The following DCAF8L2 variants were observed in gnomAD, a reference collection of about 807,000 sequenced individuals.
The protein encoded by DCAF8L2 is DDB1 and CUL4 associated factor 8 like 2.
For synonymous variants in DCAF8L2, 200 were observed against 190.9 expected (o/e 1.05, Z -0.39); for missense variants, 430 against 490.7 (o/e 0.88, Z 1.17).
At chrX:27,480,030 C>T in the DCAF8L2 span, among the ~76,000 whole-genome samples, 1 of 112,473 alleles carries the variant, frequency 8.9e-6, no homozygotes, top group African/African-American at 3.2e-5. Context: ...AAACAAAGCT[C>T]ATGGTCTCCA....
the DCAF8L2 span, among the ~76,000 whole-genome samples, chrX:27,469,197 A>G: frequency 8.9e-6 from 1 of 112,175 alleles, no homozygotes; most frequent in Non-Finnish European, 1.9e-5. Context: ...TTTCAGTGCC[A>G]TGTTCTCTCT....
Position 27,678,709 on chromosome X carries a change from T to C in DCAF8L2, c.-143+797T>C, listed in dbSNP as rs193245936. Reference sequence around the variant, plus strand: ...CTGGAAGGGCGTTACTTCATGGGTATGGAGTTTCAGTTCTGGAAGATTTTT... The same window carrying C: ...CTGGAAGGGCGTTACTTCATGGGTACGGAGTTTCAGTTCTGGAAGATTTTT... On this transcript the variant is annotated intron_variant, in intron 3 of 4. Transcript: ENST00000451261. Among the ~76,000 whole-genome samples, 28 of 111,897 alleles carry C rather than the reference T, an allele frequency of 2.5e-4. 1 individual carries two copies. In the East Asian group the frequency reaches 7.6e-3, roughly 30 times the overall value.
At chrX:27,603,571 G>A (rs545093180) in intron 1 of DCAF8L2, among the ~76,000 whole-genome samples, 2 of 111,936 alleles carry the variant, frequency 1.8e-5, no homozygotes, top group South Asian at 7.4e-4. Context: ...ACTTAGTGGA[G>A]ATTTAGCTAA....
At chrX:27,654,139 C>T (rs1482284751) in intron 2 of DCAF8L2, among the ~76,000 whole-genome samples, 2 of 111,122 alleles carry the variant, frequency 1.8e-5, no homozygotes, top group Non-Finnish European at 3.8e-5. Flanking sequence ...CAGAGCTGCT[C>T]CTCTCTGGCA....
chrX:27,638,954 T>C (rs1282136574), intron 2 of DCAF8L2, among the ~76,000 whole-genome samples: 1 of 111,722 alleles, frequency 9.0e-6, no homozygotes, highest in African/African-American at 3.3e-5. Context: ...AGTAGCACTA[T>C]AGGAGAACCA....
the DCAF8L2 span, among the ~76,000 whole-genome samples, chrX:27,542,779 G>T: frequency 2.8e-5 from 3 of 108,956 alleles, no homozygotes; most frequent in African/African-American, 1.0e-4. Flanking sequence ...CCTGACCTCG[G>T]GATCCGCCCG....
chrX:27,709,304 T>G (rs1931447290), intron 3 of DCAF8L2, among the ~76,000 whole-genome samples: 1 of 112,861 alleles, frequency 8.9e-6, no homozygotes, highest in African/African-American at 3.2e-5. Flanking sequence ...AAGACTTTCA[T>G]TTGTGTTTGT....
chrX:27,502,338 ATATATATATATATATATATATATAT>A, the DCAF8L2 span, among the ~76,000 whole-genome samples: 2 of 27,560 alleles, frequency 7.3e-5, no homozygotes, highest in Non-Finnish European at 1.2e-4. Context: ...AAAAAAAAAT[ATATATATATATATATATATATATAT>A]ATATATATAT....
intron 2 of DCAF8L2, among the ~76,000 whole-genome samples, chrX:27,674,070 T>C (rs1203053649): frequency 8.9e-6 from 1 of 111,963 alleles, no homozygotes; most frequent in Non-Finnish European, 1.9e-5. Flanking sequence ...AAATTAATTA[T>C]TGGCTTAGTG....
chrX:27,483,459 C>T, the DCAF8L2 span, among the ~76,000 whole-genome samples: 2 of 111,554 alleles, frequency 1.8e-5, no homozygotes, highest in East Asian at 2.8e-4. Flanking sequence ...AAAATTTTAA[C>T]GAAACTAAGA....
At chrX:27,656,221 T>C (rs553024844) in intron 2 of DCAF8L2, among the ~76,000 whole-genome samples, 1 of 112,295 alleles carries the variant, frequency 8.9e-6, no homozygotes, top group Admixed American at 9.5e-5. Context: ...AAGTAGCAGA[T>C]TGGACAAAAC....
intron 4 of DCAF8L2, among the ~76,000 whole-genome samples, chrX:27,728,677 G>A (rs1323536142): frequency 1.8e-5 from 2 of 111,519 alleles, no homozygotes; most frequent in Non-Finnish European, 1.9e-5. Flanking sequence ...CTTTCTCTGC[G>A]TGGACTATTA....
intron 3 of DCAF8L2, among the ~76,000 whole-genome samples, chrX:27,707,770 A>G (rs1316940111): frequency 1.8e-5 from 2 of 111,082 alleles, no homozygotes; most frequent in Non-Finnish European, 3.8e-5. Context: ...TAATATTTGC[A>G]CTAGGGGGTT....
the DCAF8L2 span, among the ~76,000 whole-genome samples, chrX:27,522,343 G>C: frequency 8.9e-6 from 1 of 111,928 alleles, no homozygotes; most frequent in African/African-American, 3.2e-5. Flanking sequence ...GTGTACTTTT[G>C]TATGTGTATA....
At position 27,749,138 on chromosome X, in the gene DCAF8L2, A is replaced by G. The variant is rs1323153308; in HGVS notation, c.*347A>G. Among the ~76,000 whole-genome samples the G allele has an allele frequency of 8.9e-6, 1 of 111,962 alleles. No homozygotes were observed. Among genetic ancestry groups the G allele is most frequent in the African/African-American group, 3.2e-5 (1 of 30,808 alleles). ...TGCTGAAAGAATTAATACCCTTATT[A>G]GATGCATCTACTCAAATCTGACAGT... On this transcript the variant is annotated 3_prime_UTR_variant, in exon 5 of 5. Coordinates refer to ENST00000451261, the MANE Select transcript of DCAF8L2 (RefSeq NM_001353450.2).
At chrX:27,553,900 CG>C in the DCAF8L2 span, among the ~76,000 whole-genome samples, 3 of 111,458 alleles carry the variant, frequency 2.7e-5, no homozygotes, top group African/African-American at 9.8e-5. Context: ...AACTTTCACT[CG>C]TGAAAAACTG....
chrX:27,524,852 C>T, the DCAF8L2 span, among the ~76,000 whole-genome samples: 1 of 112,144 alleles, frequency 8.9e-6, no homozygotes, highest in South Asian at 3.7e-4. Flanking sequence ...GAGTGAGTTT[C>T]TTAATCCTGA....
chrX:27,628,382 G>C (rs1928132665), intron 1 of DCAF8L2, among the ~76,000 whole-genome samples: 1 of 111,732 alleles, frequency 8.9e-6, no homozygotes, highest in South Asian at 3.7e-4. Context: ...AAATAATGCT[G>C]CAATGAACAT....
At chrX:27,624,203 T>G (rs1031804658) in intron 1 of DCAF8L2, among the ~76,000 whole-genome samples, 5 of 111,659 alleles carry the variant, frequency 4.5e-5, no homozygotes, top group Non-Finnish European at 7.5e-5. Flanking sequence ...TCAGTCACAG[T>G]AGAGTCAGGA....
Sources: gnomAD v4.1 joint callset for allele counts (sites outside exome capture counted in the v4.1 genomes callset) on GRCh38, gnomAD v4.1.1 for gene constraint, MANE v1.5 for transcripts, NCBI Gene and HGNC (gene_info 2026-07-23, HGNC 2026-07-21) for gene names.